The following USP53 variants were observed in gnomAD, a reference collection of about 807,000 sequenced individuals.
USP53 encodes the protein ubiquitin specific peptidase 53, also known as ubiquitin carboxyl-terminal hydrolase 53.
A neutral mutation model predicts 94.9 loss-of-function variants in USP53; 71 were observed. That is an observed-to-expected ratio of 0.75 (90% confidence interval 0.62 to 0.91). The LOEUF (loss-of-function observed/expected upper bound fraction) is 0.91. USP53 is among the 40% of genes least tolerant of loss of function. The probability of loss-of-function intolerance (pLI) is 0.00; values close to 1 mark genes in which losing one functional copy is unlikely to be tolerated. For synonymous variants in USP53, 375 were observed against 422.7 expected, an observed-to-expected ratio of 0.89 and a Z score of 1.39; for missense variants, 1,173 against 1,281.0, an observed-to-expected ratio of 0.92 and a Z score of 1.29.
chr4:119,229,312 T>C (rs951570), intron 3 of USP53, among the ~76,000 whole-genome samples: 105,065 of 152,090 alleles, frequency 0.69, 36,741 homozygotes, highest in African/African-American at 0.79. Context: ...CACTCGCATG[T>C]CCTTTCTTTA....
At chr4:119,236,252 A>G (rs937523153) in intron 4 of USP53, among the ~76,000 whole-genome samples, 10 of 152,236 alleles carry the variant, frequency 6.6e-5, no homozygotes, top group Admixed American at 2.0e-4. Context: ...TAAAAAGACA[A>G]TGTATATATC....
intron 2 of USP53, among the ~76,000 whole-genome samples, chr4:119,217,175 A>T (rs1055370525): frequency 6.6e-6 from 1 of 152,194 alleles, no homozygotes; most frequent in African/African-American, 2.4e-5. Context: ...TCAAGAAGCC[A>T]TCAGGGTATT....
intron 3 of USP53, among the ~76,000 whole-genome samples, chr4:119,225,763 G>C (rs1046368320): frequency 1.2e-4 from 18 of 149,236 alleles, no homozygotes; most frequent in African/African-American, 4.0e-4. Flanking sequence ...AACAAACAAA[G>C]AAAAAAAAAT....
chr4:119,254,685 G>C (rs182440863), intron 7 of USP53, among the ~76,000 whole-genome samples: 1 of 152,290 alleles, frequency 6.6e-6, no homozygotes, highest in Admixed American at 6.5e-5. Flanking sequence ...TTAGCTCGGA[G>C]AAGTTTGTTA....
At chr4:119,265,913 C>T (rs11098497) in intron 12 of USP53, among the ~76,000 whole-genome samples, 60,868 of 151,916 alleles carry the variant, frequency 0.4, 12,464 homozygotes, top group Non-Finnish European at 0.46. Flanking sequence ...TAAAATACAC[C>T]CATTTTAAGT....
chr4:119,218,908 T>G (rs1286984570), intron 3 of USP53: 1 of 152,160 alleles, frequency 6.6e-6, no homozygotes, highest in African/African-American at 2.4e-5. Flanking sequence ...AGTGTATCTT[T>G]GAGGTGCTAT....
Position 119,292,976 on chromosome 4 carries a change from C to A in USP53, c.2987C>A (p.Pro996Gln). 2 of 1,614,038 alleles carry A rather than the reference C, an allele frequency of 1.2e-6. No homozygotes were observed. The highest frequency in any genetic ancestry group is 1.7e-6 in the Non-Finnish European group (2 of 1,179,944). ...GTGAGAGAATGTTTTGGCAACACAC[C>A]AAACTGTCCATCCAGCTCCTCAACT... ...FQVRECFGNT[P>Q]NCPSSSSTND... Residue 996 changes from proline to glutamine, a missense_variant, in exon 19 of 19, where the codon CCA becomes CAA. Physicochemically the swap from Pro to Gln is moderately conservative, Grantham distance 76 (BLOSUM62 -1). Transcript: ENST00000692078.
intron 12 of USP53, among the ~76,000 whole-genome samples, chr4:119,263,160 CTACCCATGAAGGATTAACTGCTATAGAAA>C (rs1177755252): frequency 1.3e-4 from 20 of 152,316 alleles, no homozygotes; most frequent in African/African-American, 4.1e-4. Context: ...ACTTCTGATT[CTACCCATGAAGGATTAACTGCTATAGAAA>C]TAGCCATTTC....
rs1752667204 is a variant in USP53 at position 119,276,524 on chromosome 4, C to T, written c.2251+2816C>T. ...GCCAGTATTTTATTGAGGATTTTAG[C>T]ATCAATGTTCATCAAGGATATTGGT... On this transcript the variant is annotated intron_variant, in intron 17 of 18. Transcript: ENST00000692078. 2.0e-5 allele frequency among the ~76,000 whole-genome samples: 3 copies of T among 151,480 alleles called. No individual in the cohort carries two copies. The South Asian group carries it at 6.3e-4, about 32-fold the overall frequency.
intron 16 of USP53, chr4:119,272,870 A>T (rs1159440960): frequency 6.6e-6 from 1 of 152,234 alleles, no homozygotes; most frequent in East Asian, 1.9e-4. Flanking sequence ...GATTAATTCT[A>T]AATACATTTA....
At chr4:119,218,786 T>C (rs541839162) in intron 3 of USP53, 1 of 152,208 alleles carries the variant, frequency 6.6e-6, no homozygotes, top group African/African-American at 2.4e-5. Context: ...AGAGTTTTTT[T>C]GTATTACTTC....
chr4:119,240,602 T>C (rs1747394161), intron 5 of USP53, among the ~76,000 whole-genome samples: 1 of 152,190 alleles, frequency 6.6e-6, no homozygotes, highest in African/African-American at 2.4e-5. Context: ...GACCTTAGAA[T>C]ATACCTTAAA....
chr4:119,281,851 A>G (rs1179078645), intron 17 of USP53, among the ~76,000 whole-genome samples: 1 of 152,176 alleles, frequency 6.6e-6, no homozygotes, highest in South Asian at 2.1e-4. Flanking sequence ...AACTATTTTT[A>G]AGTGTACAGT....
intron 12 of USP53, 51 bp downstream of exon 12, chr4:119,261,915 G>A: frequency 7.5e-7 from 1 of 1,327,870 alleles, no homozygotes; most frequent in East Asian, 2.6e-5. Flanking sequence ...TTTACTTTTT[G>A]TTAATAAATG....
intron 15 of USP53, among the ~76,000 whole-genome samples, chr4:119,270,136 C>T (rs1314174165): frequency 6.6e-6 from 1 of 150,842 alleles, no homozygotes; most frequent in East Asian, 1.9e-4. Context: ...TCACTCTTGT[C>T]CAGCCTAGAG....
At position 119,228,799 on chromosome 4, in the gene USP53, G is replaced by A. The variant is rs1181893699; in HGVS notation, c.-664-6491G>A. 3.3e-5 allele frequency among the ~76,000 whole-genome samples: 5 copies of A among 152,188 alleles called. No homozygotes were observed. The South Asian group carries it at 6.2e-4, about 19-fold the overall frequency. ...TAAACATCCTATGTACAAAAATATT[G>A]TACGTAGGAAAATTAGCTGTCACTG... On this transcript the variant is annotated intron_variant, in intron 3 of 18. Coordinates refer to ENST00000692078, the MANE Select transcript of USP53 (RefSeq NM_001371395.1).
intron 12 of USP53, among the ~76,000 whole-genome samples, chr4:119,262,311 T>C (rs1379235783): frequency 6.6e-6 from 1 of 152,230 alleles, no homozygotes. Context: ...ATATCAGTTA[T>C]ATCTTTTGGT....
At chr4:119,283,849 A>G (rs981898531) in intron 17 of USP53, among the ~76,000 whole-genome samples, 1 of 151,932 alleles carries the variant, frequency 6.6e-6, no homozygotes, top group Non-Finnish European at 1.5e-5. Context: ...AAACTCAGGA[A>G]ATATTATATA....
chr4:119,293,126 C>A lies in USP53; in HGVS notation c.3137C>A (p.Thr1046Lys). The A allele has an allele frequency of 6.2e-7, 1 of 1,613,700 alleles. No homozygotes were observed. Among genetic ancestry groups the A allele is most frequent in the Non-Finnish European group, 8.5e-7 (1 of 1,179,890 alleles). The stretch of plus-strand genomic sequence containing the variant: ...TATTTTTCAGTTGATAGCTGCATGA[C>A]GGATACATATAGATTGAAATACCAT... ...TTYFSVDSCMTDTYRLKYHQR... is the reference protein window; with the variant it reads ...TTYFSVDSCMKDTYRLKYHQR... The change falls in exon 19 of 19, where the codon ACG becomes AAG. Residue 1046 changes from threonine (T) to lysine (K), a missense_variant. Coordinates refer to ENST00000692078, the MANE Select transcript of USP53 (RefSeq NM_001371395.1).
Sources: allele counts gnomAD v4.1 joint callset (sites outside exome capture counted in the v4.1 genomes callset), GRCh38; gene constraint gnomAD v4.1.1; transcripts MANE v1.5; gene names NCBI Gene and HGNC (gene_info 2026-07-23, HGNC 2026-07-21).